The following TERB2 variants were observed in gnomAD, a reference collection of about 807,000 sequenced individuals.
TERB2 encodes the protein telomere repeat binding bouquet formation protein 2.
TERB2 carries 26 observed loss-of-function variants against 29.8 expected under a neutral mutation model. The observed-to-expected ratio is 0.87, with a 90% CI of 0.64 to 1.21. The LOEUF (loss-of-function observed/expected upper bound fraction) is 1.21, where lower values mean the gene tolerates loss of function less well. TERB2 is among the 50% of genes most tolerant of loss of function. TERB2 has a pLI of 0.00. For synonymous variants in TERB2, 80 were observed against 90.8 expected (o/e 0.88, Z 0.68); for missense variants, 240 against 268.6 (o/e 0.89, Z 0.74).
At chr15:44,957,030 G>C in intron 2 of TERB2, 53 bp downstream of exon 2, 1 of 1,549,622 alleles carries the variant, frequency 6.5e-7, no homozygotes, top group Non-Finnish European at 8.8e-7. Context: ...CCGGGAGTTA[G>C]GGATGGAAGT....
intron 5 of TERB2, among the ~76,000 whole-genome samples, chr15:44,967,115 T>A (rs1231813403): frequency 2.6e-5 from 4 of 152,116 alleles, no homozygotes. Flanking sequence ...AAACAAGAAA[T>A]TAATTTAAAA....
intron 5 of TERB2, among the ~76,000 whole-genome samples, chr15:44,969,855 G>T (rs181968771): frequency 1.3e-5 from 2 of 151,332 alleles, no homozygotes; most frequent in East Asian, 3.9e-4. Context: ...GAGCTGGAGG[G>T]TATTCTTTCA....
At chr15:44,971,623 C>T (rs1416127269) in intron 5 of TERB2, among the ~76,000 whole-genome samples, 6 of 151,840 alleles carry the variant, frequency 4.0e-5, no homozygotes, top group Admixed American at 6.6e-5. Context: ...GGTGTGGTGG[C>T]GGGTGCCTGT....
At chr15:44,960,152 CCTATT>C (rs1213135302) in intron 3 of TERB2, among the ~76,000 whole-genome samples, 3 of 151,990 alleles carry the variant, frequency 2.0e-5, no homozygotes, top group Non-Finnish European at 4.4e-5. Flanking sequence ...AATTATCACT[CCTATT>C]CTGTCTTTGA....
chr15:44,978,064 G>A (rs1213189510), intron 6 of TERB2, among the ~76,000 whole-genome samples: 2 of 152,144 alleles, frequency 1.3e-5, no homozygotes, highest in East Asian at 3.8e-4. Context: ...TCCAGTGTTA[G>A]CAGTGCAGGA....
intron 3 of TERB2, among the ~76,000 whole-genome samples, chr15:44,958,754 A>G (rs1186988133): frequency 6.6e-6 from 1 of 152,260 alleles, no homozygotes; most frequent in Non-Finnish European, 1.5e-5. Context: ...GCCAGGTTTC[A>G]ACCTGGGTAG....
At chr15:44,959,565 A>G (rs1413415354) in intron 3 of TERB2, among the ~76,000 whole-genome samples, 1 of 152,026 alleles carries the variant, frequency 6.6e-6, no homozygotes, top group Non-Finnish European at 1.5e-5. Context: ...ATGGGGTTTC[A>G]CCAAGTTGGC....
chr15:44,966,391 G>C (rs1338359244), intron 5 of TERB2, 148 bp downstream of exon 5: 3 of 437,468 alleles, frequency 6.9e-6, no homozygotes, highest in Non-Finnish European at 7.8e-6. Context: ...AGAGATCTAT[G>C]ATTAGAAAGA....
chr15:44,969,666 C>T (rs1891940080), intron 5 of TERB2, among the ~76,000 whole-genome samples: 1 of 151,488 alleles, frequency 6.6e-6, no homozygotes, highest in Non-Finnish European at 1.5e-5. Context: ...TAGTGGTGTA[C>T]TCCTGTAGTC....
intron 6 of TERB2, among the ~76,000 whole-genome samples, chr15:44,977,672 A>T (rs34147891): frequency 0.047 from 7,151 of 152,246 alleles, 247 homozygotes; most frequent in South Asian, 0.097. Flanking sequence ...TATTATTTTT[A>T]TTAAAAATGA....
intron 6 of TERB2, 98 bp downstream of exon 6, chr15:44,974,053 G>A: frequency 8.6e-7 from 1 of 1,167,620 alleles, no homozygotes; most frequent in Non-Finnish European, 1.1e-6. Context: ...CTAGAGAGTA[G>A]AGCCTTCTCT....
chr15:44,965,202 A>G (rs1216378804), intron 4 of TERB2, among the ~76,000 whole-genome samples: 1 of 148,486 alleles, frequency 6.7e-6, no homozygotes, highest in South Asian at 2.1e-4. Flanking sequence ...AAGGAAAAAA[A>G]AGAAACTTCT....
intron 4 of TERB2, 106 bp from the exon 5 acceptor site, chr15:44,966,052 C>T: frequency 1.8e-6 from 1 of 570,314 alleles, no homozygotes; most frequent in Non-Finnish European, 2.8e-6. Context: ...ATTTTTATGG[C>T]TTTTGAGATA....
At chr15:44,956,868 G>C in intron 1 of TERB2, 28 bp from the exon 2 acceptor site, 1 of 1,612,580 alleles carries the variant, frequency 6.2e-7, no homozygotes, top group Middle Eastern at 1.7e-4. Context: ...GTGCTTGATA[G>C]GTTCACCCTG....
rs1407147369 is a variant in TERB2 at position 44,956,787 on chromosome 15, G to A, written c.64+5G>A. 1 of 1,613,992 alleles carries A rather than the reference G, an allele frequency of 6.2e-7. No homozygotes were observed. ...AGGATCTGAGGCAATTCTGGGGTAGGAAGCTGAGTGGAAGCAGCGGGTTAG... is the reference window on the plus strand; with the variant it reads ...AGGATCTGAGGCAATTCTGGGGTAGAAAGCTGAGTGGAAGCAGCGGGTTAG... On this transcript the variant is annotated splice_donor_5th_base_variant and intron_variant, in intron 1 of 6. Transcript: ENST00000340827.
chr15:44,963,768 T>G (rs956859677), intron 4 of TERB2, among the ~76,000 whole-genome samples: 7 of 150,076 alleles, frequency 4.7e-5, no homozygotes, highest in African/African-American at 1.7e-4. Context: ...ACTTTGTGAA[T>G]CTAGGTGAAA....
intron 3 of TERB2, among the ~76,000 whole-genome samples, chr15:44,959,743 C>T (rs1267542200): frequency 1.3e-5 from 2 of 152,124 alleles, no homozygotes; most frequent in South Asian, 4.1e-4. Flanking sequence ...GCAAGCATAT[C>T]AATTCCTGAT....
At chr15:44,964,044 C>G (rs554842836) in intron 4 of TERB2, among the ~76,000 whole-genome samples, 1 of 151,974 alleles carries the variant, frequency 6.6e-6, no homozygotes, top group Non-Finnish European at 1.5e-5. Context: ...CTCCTGACCT[C>G]GTGATCCGCC....
At position 44,961,606 on chromosome 15, in the gene TERB2, T is replaced by C. The variant is rs774590905; in HGVS notation, c.348+22T>C. The C allele has an allele frequency of 3.3e-6, 5 of 1,528,394 alleles. No homozygotes were observed. The African/African-American group carries it at 7.0e-5, about 21-fold the overall frequency. 94.7% of individuals were successfully genotyped at this position (1,528,394 alleles called of 1,614,324 possible). ...AAAGGTAAGAGTAAATTAAGGTACT[T>C]GATTAGCATCTACAGCTTCAACATT... is the stretch of plus-strand genomic sequence containing the variant. On this transcript the variant is annotated intron_variant, in intron 4 of 6. Transcript: ENST00000340827.
Sources: gnomAD v4.1 joint callset for allele counts (sites outside exome capture counted in the v4.1 genomes callset) on GRCh38, gnomAD v4.1.1 for gene constraint, MANE v1.5 for transcripts, NCBI Gene and HGNC (gene_info 2026-07-23, HGNC 2026-07-21) for gene names.